TMEM108: variants seen among roughly 807,000 people sequenced by gnomAD.
TMEM108 encodes transmembrane protein 108.
Under a neutral mutation model 35.1 loss-of-function variants are expected in TMEM108, and 12 were observed. The ratio of observed to expected loss-of-function variants is 0.34; its 90% CI spans 0.22 to 0.55. TMEM108 has a LOEUF of 0.55. Among genes scored for constraint, TMEM108 ranks in the 20% least tolerant of loss-of-function variants. TMEM108 has a pLI of 0.89. For synonymous variants in TMEM108, 287 were observed against 308.6 expected, an observed-to-expected ratio of 0.93 and a Z score of 0.73; for missense variants, 680 against 753.3, an observed-to-expected ratio of 0.90 and a Z score of 1.14.
At chr3:133,245,175 G>A (rs966793578) in intron 3 of TMEM108, among the ~76,000 whole-genome samples, 15 of 152,142 alleles carry the variant, frequency 9.9e-5, no homozygotes, top group African/African-American at 3.4e-4. Context: ...TAGTGCATGA[G>A]GAAATGGAGG....
At chr3:133,386,861 T>C in intron 4 of TMEM108, 1 of 614,958 alleles carries the variant, frequency 1.6e-6, no homozygotes, top group Non-Finnish European at 2.1e-6. Context: ...AGTTGGGTGA[T>C]CAAGATCAAT....
chr3:133,149,277 C>T (rs982619794), intron 2 of TMEM108, among the ~76,000 whole-genome samples: 3 of 152,126 alleles, frequency 2.0e-5, no homozygotes, highest in African/African-American at 7.2e-5. Context: ...TACACTGTCA[C>T]GTTTCAAAAT....
rs556880437 is a variant in TMEM108 at position 133,097,719 on chromosome 3, A to G, written c.-47+51699A>G. Among the ~76,000 whole-genome samples, 7 of 152,316 alleles carry G rather than the reference A, an allele frequency of 4.6e-5. No homozygotes were observed. The South Asian group carries it at 1.5e-3, about 32-fold the overall frequency. On this transcript the variant is annotated intron_variant, in intron 2 of 5. Transcript: ENST00000321871. ...GTTTGGCTTGGTTTAATTTTTATCC[A>G]GAGAGACATAGAAATGTGGTTTACT...
chr3:133,143,552 C>A (rs1417839880), intron 2 of TMEM108, among the ~76,000 whole-genome samples: 1 of 152,164 alleles, frequency 6.6e-6, no homozygotes, highest in African/African-American at 2.4e-5. Context: ...CATTCCTTTG[C>A]CTTTTATTAT....
At chr3:133,320,614 A>T (rs944478558) in intron 3 of TMEM108, among the ~76,000 whole-genome samples, 7 of 152,236 alleles carry the variant, frequency 4.6e-5, no homozygotes, top group African/African-American at 1.7e-4. Flanking sequence ...TAATCAAGGA[A>T]AACTTTCCTG....
At chr3:133,393,742 T>A (rs1261270224) in intron 5 of TMEM108, among the ~76,000 whole-genome samples, 2 of 152,224 alleles carry the variant, frequency 1.3e-5, no homozygotes, top group Admixed American at 6.5e-5. Flanking sequence ...ACCCCTGAAC[T>A]TTAAATTTCT....
At chr3:133,087,212 C>T (rs1299752289) in intron 2 of TMEM108, among the ~76,000 whole-genome samples, 1 of 152,188 alleles carries the variant, frequency 6.6e-6, no homozygotes, top group Non-Finnish European at 1.5e-5. Flanking sequence ...TGACCTGCTT[C>T]CCACTCTCTG....
chr3:133,158,158 G>A (rs1944907729), intron 2 of TMEM108, among the ~76,000 whole-genome samples: 1 of 152,030 alleles, frequency 6.6e-6, no homozygotes, highest in South Asian at 2.1e-4. Context: ...TCTCTGTGGT[G>A]TCTCATGTAT....
chr3:133,313,598 C>T (rs912933968), intron 3 of TMEM108, among the ~76,000 whole-genome samples: 7 of 152,158 alleles, frequency 4.6e-5, no homozygotes, highest in Admixed American at 2.6e-4. Context: ...CCTCCCAAGT[C>T]GGAATACCAC....
At chr3:133,185,784 C>CTTTTTTTTTTTTT (rs11309146) in intron 2 of TMEM108, among the ~76,000 whole-genome samples, 1 of 127,094 alleles carries the variant, frequency 7.9e-6, no homozygotes, top group Non-Finnish European at 1.6e-5. Flanking sequence ...CTTTTCTTTT[C>CTTTTTTTTTTTTT]TTTTTTTTTT....
chr3:133,155,723 T>C (rs1944871441), intron 2 of TMEM108, among the ~76,000 whole-genome samples: 1 of 152,166 alleles, frequency 6.6e-6, no homozygotes, highest in Non-Finnish European at 1.5e-5. Context: ...TGTACATTTG[T>C]TTCAGTAGAT....
At chr3:133,376,299 G>A (rs2072836447) in intron 3 of TMEM108, among the ~76,000 whole-genome samples, 1 of 152,106 alleles carries the variant, frequency 6.6e-6, no homozygotes, top group Non-Finnish European at 1.5e-5. Context: ...AGTTCTCCTA[G>A]AGGCCATGGT....
At chr3:133,241,421 C>G (rs960345424) in intron 3 of TMEM108, among the ~76,000 whole-genome samples, 1 of 152,184 alleles carries the variant, frequency 6.6e-6, no homozygotes, top group Non-Finnish European at 1.5e-5. Context: ...CCTTTCTGCT[C>G]AAGGGAATCA....
At chr3:133,153,216 C>T (rs1032331207) in intron 2 of TMEM108, among the ~76,000 whole-genome samples, 2 of 152,052 alleles carry the variant, frequency 1.3e-5, no homozygotes, top group Admixed American at 6.6e-5. Flanking sequence ...ATAAATTGTT[C>T]GATTCCAGAC....
chr3:133,157,604 T>C (rs1393705405), intron 2 of TMEM108, among the ~76,000 whole-genome samples: 1 of 152,192 alleles, frequency 6.6e-6, no homozygotes, highest in Admixed American at 6.5e-5. Context: ...GGCCATAAAC[T>C]GGTGCTTGAG....
intron 2 of TMEM108, among the ~76,000 whole-genome samples, chr3:133,162,418 G>A (rs1944974313): frequency 6.6e-6 from 1 of 152,172 alleles, no homozygotes; most frequent in African/African-American, 2.4e-5. Context: ...GCCTGAGTGA[G>A]CAGACCAAGA....
intron 2 of TMEM108, among the ~76,000 whole-genome samples, chr3:133,196,868 T>TA (rs1210036176): frequency 6.6e-5 from 10 of 152,308 alleles, no homozygotes; most frequent in Admixed American, 2.6e-4. Context: ...AGGCAAAACT[T>TA]ACCTGGAAAT....
At chr3:133,343,452 C>T (rs940311804) in intron 3 of TMEM108, among the ~76,000 whole-genome samples, 1 of 151,938 alleles carries the variant, frequency 6.6e-6, no homozygotes, top group Non-Finnish European at 1.5e-5. Flanking sequence ...TTCTTAATAT[C>T]TCCAAACTGT....
At chr3:133,153,849 A>C (rs1944836897) in intron 2 of TMEM108, among the ~76,000 whole-genome samples, 1 of 152,130 alleles carries the variant, frequency 6.6e-6, no homozygotes, top group South Asian at 2.1e-4. Context: ...GTAGTGTGTG[A>C]CGTGATTTGA....
Sources: gnomAD v4.1 joint callset for allele counts (sites outside exome capture counted in the v4.1 genomes callset) on GRCh38, gnomAD v4.1.1 for gene constraint, MANE v1.5 for transcripts, NCBI Gene and HGNC (gene_info 2026-07-23, HGNC 2026-07-21) for gene names.